Variants in ELF2 observed in about 807,000 individuals in gnomAD.
The protein encoded by ELF2 is ETS-related transcription factor Elf-2.
Under a neutral mutation model 54.8 loss-of-function variants are expected in ELF2, and 11 were observed. The observed-to-expected ratio is 0.20, with a 90% CI of 0.13 to 0.33. ELF2 has a LOEUF of 0.33. ELF2 is among the 10% of genes least tolerant of loss of function. The pLI, the probability that ELF2 is intolerant of heterozygous loss-of-function variation, is 1.00. For synonymous variants in ELF2, 203 were observed against 245.1 expected, an observed-to-expected ratio of 0.83 and a Z score of 1.61; for missense variants, 513 against 703.0, an observed-to-expected ratio of 0.73 and a Z score of 3.06.
At chr4:139,067,512 A>G (rs1728881797) in intron 7 of ELF2, 172 bp downstream of exon 7, 1 of 596,916 alleles carries the variant, frequency 1.7e-6, no homozygotes, top group Non-Finnish European at 2.9e-6. Context: ...CTGGGCACAG[A>G]TATTTTGAAA....
intron 1 of ELF2, among the ~76,000 whole-genome samples, chr4:139,157,830 T>C (rs1740700941): frequency 6.6e-6 from 1 of 152,198 alleles, no homozygotes; most frequent in Non-Finnish European, 1.5e-5. Context: ...TTCAACCTGT[T>C]TTATGATGGT....
intron 1 of ELF2, among the ~76,000 whole-genome samples, chr4:139,173,374 C>T (rs1037046127): frequency 6.6e-6 from 1 of 151,506 alleles, no homozygotes; most frequent in Non-Finnish European, 1.5e-5. Flanking sequence ...CATAATAGCC[C>T]AAAAAAATAG....
rs190067972 is a variant in ELF2 at position 139,153,145 on chromosome 4, G to A, written c.-251-13648C>T. On this transcript the variant is annotated intron_variant, in intron 1 of 9. Coordinates refer to ENST00000686138, the MANE Select transcript of ELF2 (RefSeq NM_001331036.3). ...ATACTATGAAAGGATAATAAAATGA[G>A]AAGAAAAGGCCAGGCACAGTGGCTC... is the stretch of plus-strand genomic sequence containing the variant. Among the ~76,000 whole-genome samples, 1,057 of 152,078 alleles carry A rather than the reference G, an allele frequency of 7.0e-3. 16 individuals are homozygous for A. The highest frequency in any genetic ancestry group is 0.024 in the African/African-American group (1,016 of 41,492).
chr4:139,086,562 C>A (rs894205866), intron 4 of ELF2, among the ~76,000 whole-genome samples: 1 of 152,022 alleles, frequency 6.6e-6, no homozygotes, highest in Non-Finnish European at 1.5e-5. Flanking sequence ...ATCTTCGAAC[C>A]GTCATAAACT....
chr4:139,060,051 C>T (rs1351700829), intron 9 of ELF2, among the ~76,000 whole-genome samples: 2 of 152,042 alleles, frequency 1.3e-5, no homozygotes, highest in South Asian at 2.1e-4. Context: ...GGTCTCACTA[C>T]GTTGCCAAAG....
rs180717199 is a variant in ELF2, at chr4:139,088,726, G to A, written c.239-15159C>T. On this transcript the variant is annotated intron_variant, in intron 4 of 9. Transcript: ENST00000686138. The stretch of plus-strand genomic sequence containing the variant: ...AATGGTATTATCCCCCCACTAGGGG[G>A]ATAAAAGTCCCCCACCTAGGACTTT... Among the ~76,000 whole-genome samples the A allele has an allele frequency of 1.1e-3, 164 of 151,954 alleles. 1 individual carries two copies. Among genetic ancestry groups the A allele is most frequent in the African/African-American group, 3.9e-3 (161 of 41,490 alleles).
chr4:139,114,366 C>G lies in ELF2; in HGVS notation c.238+10798G>C, dbSNP rs188907761. Reference sequence around the variant, plus strand: ...CAGGCAGATCATGAGGTCAGGAGATCGAGACCATTCTGGCCAACATGGTGA... The same window carrying G: ...CAGGCAGATCATGAGGTCAGGAGATGGAGACCATTCTGGCCAACATGGTGA... On this transcript the variant is annotated intron_variant, in intron 4 of 9. Transcript: ENST00000686138. Among the ~76,000 whole-genome samples, 140 of 152,094 alleles carry G rather than the reference C, an allele frequency of 9.2e-4. 1 individual carries two copies. Among genetic ancestry groups the G allele is most frequent in the Admixed American group, 3.1e-3 (48 of 15,270 alleles).
At position 139,073,501 on chromosome 4, in the gene ELF2, A is replaced by G; in HGVS notation, c.305T>C (p.Leu102Pro). 1 of 1,609,728 alleles carries G rather than the reference A, an allele frequency of 6.2e-7. No homozygotes were observed. Among genetic ancestry groups the G allele is most frequent in the Admixed American group, 1.7e-5 (1 of 59,856 alleles). ...GCAGGTAGGAGATTCCATATGAAGC[A>G]GGGCTTCAGCAGCTTCAATTGTCTT... ...TDKTIEAAEA[L>P]LHMESPTCLR... Residue 102 changes from leucine to proline, a missense_variant, in exon 5 of 10, where the codon CTG becomes CCG. By Grantham distance (98) the Leu-to-Pro change is moderately conservative (BLOSUM62 -3). This residue lies in a region of ELF2 where 203 missense variants were observed against 245.9 expected (regional missense o/e 0.83). Coordinates refer to ENST00000686138, the MANE Select transcript of ELF2 (RefSeq NM_001331036.3).
intron 6 of ELF2, among the ~76,000 whole-genome samples, chr4:139,069,083 G>A (rs964685008): frequency 6.6e-6 from 1 of 151,834 alleles, no homozygotes; most frequent in African/African-American, 2.4e-5. Flanking sequence ...TGCCCAGGCT[G>A]GTCTTGAACT....
At chr4:139,108,772 G>A (rs1215349278) in intron 4 of ELF2, among the ~76,000 whole-genome samples, 1 of 151,760 alleles carries the variant, frequency 6.6e-6, no homozygotes, top group Non-Finnish European at 1.5e-5. Context: ...AATGTCCGTG[G>A]GTAGAAAAAA....
At chr4:139,166,324 T>C (rs1216323946) in intron 1 of ELF2, among the ~76,000 whole-genome samples, 2 of 151,842 alleles carry the variant, frequency 1.3e-5, no homozygotes, top group African/African-American at 2.4e-5. Context: ...GAAGTGGAGG[T>C]TGCAGTAAGC....
chr4:139,088,958 A>G (rs1046285420), intron 4 of ELF2, among the ~76,000 whole-genome samples: 10 of 152,120 alleles, frequency 6.6e-5, no homozygotes, highest in African/African-American at 2.4e-4. Context: ...GGGTTTCTCC[A>G]TGTTATTCAG....
chr4:139,062,666 AC>A (rs1445247725), intron 7 of ELF2, among the ~76,000 whole-genome samples: 2 of 152,270 alleles, frequency 1.3e-5, no homozygotes, highest in African/African-American at 4.8e-5. Flanking sequence ...ACAGATTTAA[AC>A]TGAATAAATT....
At chr4:139,090,742 A>G (rs145753872) in intron 4 of ELF2, among the ~76,000 whole-genome samples, 11 of 152,178 alleles carry the variant, frequency 7.2e-5, no homozygotes, top group Middle Eastern at 3.4e-3. Flanking sequence ...TTACAAGCAC[A>G]TGCCACCATA....
chr4:139,068,725 C>T (rs1024972075), intron 6 of ELF2, among the ~76,000 whole-genome samples: 4 of 152,188 alleles, frequency 2.6e-5, no homozygotes, highest in African/African-American at 9.6e-5. Context: ...CTTTTCTACA[C>T]GAAAGAGGAT....
chr4:139,169,373 C>CA (rs1212536034), intron 1 of ELF2, among the ~76,000 whole-genome samples: 3 of 147,934 alleles, frequency 2.0e-5, no homozygotes, highest in East Asian at 4.0e-4. Flanking sequence ...AAAACTATCA[C>CA]AAAAAAACTC....
chr4:139,162,849 C>T (rs1251396141), intron 1 of ELF2, among the ~76,000 whole-genome samples: 1 of 152,088 alleles, frequency 6.6e-6, no homozygotes, highest in African/African-American at 2.4e-5. Flanking sequence ...GCAATCCCAG[C>T]ACTTTCAAAG....
chr4:139,066,924 T>C (rs920888158), intron 7 of ELF2: 2 of 152,044 alleles, frequency 1.3e-5, no homozygotes, highest in African/African-American at 4.8e-5. Context: ...GTGACTGACA[T>C]TTATTGATTG....
chr4:139,067,437 CT>C, intron 7 of ELF2: 1 of 429,782 alleles, frequency 2.3e-6, no homozygotes, highest in East Asian at 3.4e-5. Context: ...ATCCTTTGGA[CT>C]TTTTCCAAGT....
Sources: allele counts gnomAD v4.1 joint callset (sites outside exome capture counted in the v4.1 genomes callset), GRCh38; gene constraint gnomAD v4.1.1; regional missense constraint gnomAD v4.1.1; transcripts MANE v1.5; gene names NCBI Gene and HGNC (gene_info 2026-07-23, HGNC 2026-07-21).